Variants in RALGPS1 observed in about 807,000 individuals in gnomAD.
The protein encoded by RALGPS1 is ras-specific guanine nucleotide-releasing factor RalGPS1.
In RALGPS1, 19 loss-of-function variants were observed where a neutral mutation model predicts 78.8. The ratio of observed to expected loss-of-function variants is 0.24; its 90% CI spans 0.17 to 0.35. The LOEUF is 0.35. Ranked by LOEUF, RALGPS1 falls within the 10% of genes least tolerant of loss-of-function variation. RALGPS1 has a pLI of 1.00. For synonymous variants in RALGPS1, 228 were observed against 256.3 expected, an observed-to-expected ratio of 0.89 and a Z score of 1.06; for missense variants, 454 against 688.3, an observed-to-expected ratio of 0.66 and a Z score of 3.81.
chr9:127,072,214 T>A (rs2050265766), intron 8 of RALGPS1, among the ~76,000 whole-genome samples: 1 of 152,170 alleles, frequency 6.6e-6, no homozygotes. Flanking sequence ...CACGTTTAAT[T>A]TATCCATTTG....
At chr9:127,173,578 T>C (rs1354980151) in intron 10 of RALGPS1, among the ~76,000 whole-genome samples, 1 of 152,194 alleles carries the variant, frequency 6.6e-6, no homozygotes, top group Admixed American at 6.5e-5. Flanking sequence ...GCATCTAGTC[T>C]CACTCTGTCA....
intron 4 of RALGPS1, among the ~76,000 whole-genome samples, chr9:126,991,509 C>T (rs1230997673): frequency 1.3e-5 from 2 of 152,092 alleles, no homozygotes; most frequent in Non-Finnish European, 2.9e-5. Context: ...TCCATAGGGA[C>T]TTGGTGCCTG....
intron 18 of RALGPS1, chr9:127,217,748 ATTCCT>A (rs959281115): frequency 2.0e-5 from 3 of 152,078 alleles, no homozygotes; most frequent in African/African-American, 7.3e-5. Context: ...CACGTACTTG[ATTCCT>A]TCATGTGTTG....
Position 126,940,994 on chromosome 9 carries a change from A to G in RALGPS1, c.-65-21231A>G, listed in dbSNP as rs572284088. Among the ~76,000 whole-genome samples, 8 of 152,374 alleles carry G rather than the reference A, an allele frequency of 5.3e-5. No homozygotes were observed. The South Asian group carries it at 1.7e-3, about 32-fold the overall frequency. On this transcript the variant is annotated intron_variant, in intron 1 of 18. Transcript: ENST00000259351. ...AAATAGAAAGTAAAAGTGCCATACAATAATGCCATTAAGAGGCAGTGATAT... is the reference window on the plus strand; with the variant it reads ...AAATAGAAAGTAAAAGTGCCATACAGTAATGCCATTAAGAGGCAGTGATAT...
intron 8 of RALGPS1, among the ~76,000 whole-genome samples, chr9:127,090,165 G>A (rs1046087208): frequency 2.0e-5 from 3 of 152,198 alleles, no homozygotes; most frequent in Admixed American, 6.5e-5. Flanking sequence ...CCTTGGGCAC[G>A]CCATAACCAG....
At chr9:126,940,200 G>A (rs2036628969) in intron 1 of RALGPS1, among the ~76,000 whole-genome samples, 1 of 152,044 alleles carries the variant, frequency 6.6e-6, no homozygotes, top group African/African-American at 2.4e-5. Flanking sequence ...GTGCTGCCCA[G>A]CCCGCCTCTC....
chr9:127,116,547 G>A (rs985619636), intron 8 of RALGPS1, among the ~76,000 whole-genome samples: 4 of 152,174 alleles, frequency 2.6e-5, no homozygotes, highest in African/African-American at 9.7e-5. Flanking sequence ...CTGCATTTCC[G>A]GCAGTGCCTA....
At chr9:127,182,179 A>T (rs1353086842) in intron 11 of RALGPS1, among the ~76,000 whole-genome samples, 3 of 31,926 alleles carry the variant, frequency 9.4e-5, no homozygotes, top group African/African-American at 7.0e-4. Flanking sequence ...CCATCTGTTT[A>T]AAAAAAAAAA....
intron 8 of RALGPS1, chr9:127,108,396 C>T (rs1432491675): frequency 1.2e-6 from 2 of 1,609,046 alleles, no homozygotes; most frequent in South Asian, 2.2e-5. Flanking sequence ...TGCCGCCGTC[C>T]ACCTCCACCA....
chr9:127,034,939 G>A (rs918109108), intron 5 of RALGPS1, among the ~76,000 whole-genome samples: 17 of 152,012 alleles, frequency 1.1e-4, no homozygotes, highest in African/African-American at 4.1e-4. Flanking sequence ...CTTCCTCCCT[G>A]TTCAACTTCC....
At position 127,073,446 on chromosome 9, in the gene RALGPS1, T is replaced by TTGTGTG. The variant is rs372544285; in HGVS notation, c.610+4104_610+4109dup. ...CTTTTTATGGCCAAGTAGTACACCA[T>TTGTGTG]TGTGTGTGTGTGTGTGTGTCTGTGT... On this transcript the variant is annotated intron_variant, in intron 8 of 18. Transcript: ENST00000259351. 1.2e-3 allele frequency among the ~76,000 whole-genome samples: 102 copies of TTGTGTG among 88,628 alleles called. 1 individual carries two copies. The highest frequency in any genetic ancestry group is 3.7e-3 in the African/African-American group (94 of 25,214). The allele number at this position is 88,628 out of a possible 152,430, so 58.1% of individuals were successfully genotyped here.
chr9:126,976,979 C>T (rs2040724783), intron 3 of RALGPS1, among the ~76,000 whole-genome samples: 1 of 152,230 alleles, frequency 6.6e-6, no homozygotes, highest in African/African-American at 2.4e-5. Flanking sequence ...ATTGCTGCAT[C>T]TTAAGCCGGC....
intron 11 of RALGPS1, among the ~76,000 whole-genome samples, chr9:127,180,305 G>A (rs1564732814): frequency 2.0e-5 from 3 of 152,182 alleles, no homozygotes; most frequent in Admixed American, 6.5e-5. Flanking sequence ...GGGCAGCACC[G>A]CGAGTCCAGG....
chr9:127,067,457 C>T (rs2049816248), intron 7 of RALGPS1, among the ~76,000 whole-genome samples: 1 of 152,318 alleles, frequency 6.6e-6, no homozygotes, highest in Non-Finnish European at 1.5e-5. Context: ...GATGAAGGAA[C>T]CAGGCAGGGC....
At chr9:126,953,047 A>G (rs1037038010) in intron 1 of RALGPS1, among the ~76,000 whole-genome samples, 2 of 152,234 alleles carry the variant, frequency 1.3e-5, no homozygotes, top group East Asian at 3.9e-4. Flanking sequence ...AGTGATTATT[A>G]TGCCTTCTCA....
At chr9:126,949,872 A>T (rs931035291) in intron 1 of RALGPS1, among the ~76,000 whole-genome samples, 121 of 152,038 alleles carry the variant, frequency 8.0e-4, no homozygotes, top group Non-Finnish European at 1.5e-3. Context: ...GGTGTTTTAG[A>T]CATGAAGTCC....
chr9:127,030,463 C>T (rs1266423817), intron 4 of RALGPS1, among the ~76,000 whole-genome samples: 5 of 151,934 alleles, frequency 3.3e-5, no homozygotes, highest in Non-Finnish European at 7.4e-5. Context: ...AGGCTAAGAG[C>T]GGCCGGTGAA....
At chr9:127,058,373 TACTGTGTGGAAAACAA>T (rs1232968782) in intron 7 of RALGPS1, among the ~76,000 whole-genome samples, 1 of 152,146 alleles carries the variant, frequency 6.6e-6, no homozygotes, top group Non-Finnish European at 1.5e-5. Flanking sequence ...TTACTGTTGC[TACTGTGTGGAAAACAA>T]ACTGGGTGGG....
chr9:127,199,060 T>A lies in RALGPS1; in HGVS notation c.1241T>A (p.Leu414Gln). Residue 414 changes from leucine (L) to glutamine (Q), a missense_variant, in exon 14 of 19, where the codon CTG becomes CAG. Leu to Gln is a moderately radical substitution (Grantham distance 113, BLOSUM62 -2). Coordinates refer to ENST00000259351, the MANE Select transcript of RALGPS1 (RefSeq NM_014636.3). Reference sequence around the variant, plus strand: ...TTTAGTGAAGAGATGTCTTCAGGGCTGGAAAGGTGAGTGTGGCCTCAGCAT... The same window carrying A: ...TTTAGTGAAGAGATGTCTTCAGGGCAGGAAAGGTGAGTGTGGCCTCAGCAT... ...SEFSEEMSSG[L>Q]ESPTGPCICS... is the part of the protein sequence containing the mutation. 6.2e-7 allele frequency: 1 copy of A among 1,613,960 alleles called. No individual in the cohort carries two copies. The highest frequency in any genetic ancestry group is 1.7e-5 in the Admixed American group (1 of 60,024).
Sources: gnomAD v4.1 joint callset for allele counts (sites outside exome capture counted in the v4.1 genomes callset) on GRCh38, gnomAD v4.1.1 for gene constraint, MANE v1.5 for transcripts, NCBI Gene and HGNC (gene_info 2026-07-23, HGNC 2026-07-21) for gene names.